The following MEOX2 variants were observed in gnomAD, a reference collection of about 807,000 sequenced individuals.
MEOX2 encodes the protein mesenchyme homeobox 2.
In MEOX2, 11 loss-of-function variants were observed where a neutral mutation model predicts 27.0. That is an observed-to-expected ratio of 0.41 (90% CI 0.26 to 0.68). The LOEUF (loss-of-function observed/expected upper bound fraction) is 0.68, where lower values mean the gene tolerates loss of function less well. Among genes scored for constraint, MEOX2 ranks in the 30% least tolerant of loss-of-function variants. The probability of loss-of-function intolerance (pLI) is 0.33; values close to 1 mark genes in which losing one functional copy is unlikely to be tolerated. For synonymous variants in MEOX2, 189 were observed against 155.4 expected, an observed-to-expected ratio of 1.22 and a Z score of -1.61; for missense variants, 436 against 385.4, an observed-to-expected ratio of 1.13 and a Z score of -1.10.
chr7:15,666,992 T>G (rs879377511), intron 1 of MEOX2, among the ~76,000 whole-genome samples: 6 of 149,750 alleles, frequency 4.0e-5, no homozygotes, highest in Non-Finnish European at 8.9e-5. Context: ...CTCATCAGCT[T>G]TTAGAAGTAG....
Position 15,685,914 on chromosome 7 carries a change from G to C in MEOX2, c.489C>G (p.Ser163Arg). The change falls in exon 1 of 3, where the codon AGC becomes AGG. Residue 163 changes from serine (S) to arginine (R), a missense_variant. By Grantham distance (110) the Ser-to-Arg change is moderately radical (BLOSUM62 -1). Transcript: ENST00000262041. ...ALSPAEAEKR[S>R]GGKRKSDSSD... is the part of the protein sequence containing the mutation. Reference sequence around the variant, plus strand: ...AGCTGTCGCTTTTCCTCTTGCCGCCGCTTCGCTTCTCCGCCTCCGCAGGTG... The same window carrying C: ...AGCTGTCGCTTTTCCTCTTGCCGCCCCTTCGCTTCTCCGCCTCCGCAGGTG... 1 of 1,607,872 alleles carries C rather than the reference G, an allele frequency of 6.2e-7. No individual in the cohort carries two copies. Among genetic ancestry groups the C allele is most frequent in the Non-Finnish European group, 8.5e-7 (1 of 1,177,518 alleles).
At chr7:15,657,000 G>C (rs1781831661) in intron 1 of MEOX2, among the ~76,000 whole-genome samples, 1 of 151,916 alleles carries the variant, frequency 6.6e-6, no homozygotes, top group Non-Finnish European at 1.5e-5. Flanking sequence ...TTCTGCACTT[G>C]GAAAATGTTG....
In MEOX2 at chr7:15,632,406, C is replaced by T. The variant is rs188626261; in HGVS notation, c.518-5488G>A. ...ATGTGTCATTTTGTTTTAATTTTATCTTTCCTTTCCTAGAATTTATTATTA... is the reference window on the plus strand; with the variant it reads ...ATGTGTCATTTTGTTTTAATTTTATTTTTCCTTTCCTAGAATTTATTATTA... On this transcript the variant is annotated intron_variant, in intron 1 of 2. Transcript: ENST00000262041. Among the ~76,000 whole-genome samples the T allele has an allele frequency of 3.3e-5, 5 of 151,640 alleles. No individual in the cohort carries two copies. In the East Asian group the frequency reaches 9.7e-4, roughly 30 times the overall value.
chr7:15,626,059 T>C (rs1314724034), intron 2 of MEOX2, among the ~76,000 whole-genome samples: 1 of 152,128 alleles, frequency 6.6e-6, no homozygotes, highest in South Asian at 2.1e-4. Flanking sequence ...TTCCCAGCCA[T>C]CTTGCACCTA....
In MEOX2 at chr7:15,614,055, G is replaced by T. The variant is rs35842457; in HGVS notation, c.691-1444C>A. Among the ~76,000 whole-genome samples, 159 of 43,652 alleles carry T rather than the reference G, an allele frequency of 3.6e-3. 5 individuals are homozygous for T. The highest frequency in any genetic ancestry group is 7.2e-3 in the Non-Finnish European group (81 of 11,278). The allele number at this position is 43,652 out of a possible 152,430, so 28.6% of individuals were successfully genotyped here. A position where few individuals can be genotyped will look rare whatever the true frequency, so the allele number is the denominator to read the frequency against. On this transcript the variant is annotated intron_variant, in intron 2 of 2. Transcript: ENST00000262041. ...ATTAATATGTTTAAATTTATCTATT[G>T]TTTCTTTTATGACTAGTGTTTTGTG...
chr7:15,648,160 C>T (rs1781679084), intron 1 of MEOX2, among the ~76,000 whole-genome samples: 1 of 151,924 alleles, frequency 6.6e-6, no homozygotes, highest in African/African-American at 2.4e-5. Context: ...ACGTGTTTTA[C>T]ATTTTTAAGT....
intron 1 of MEOX2, among the ~76,000 whole-genome samples, chr7:15,673,556 AT>A (rs561092541): frequency 0.08 from 9,373 of 117,002 alleles, 484 homozygotes; most frequent in African/African-American, 0.17. Context: ...CAAAATAAAG[AT>A]TTTTTTTTTT....
rs138296490 is a variant in MEOX2, at chr7:15,686,231, C to A, written c.172G>T (p.Gly58Cys). 6 of 1,612,170 alleles carry A rather than the reference C, an allele frequency of 3.7e-6. No individual in the cohort carries two copies. In the African/African-American group the frequency reaches 6.7e-5, roughly 18 times the overall value. ...CTGTGATGCTGGCTGGCAAACATGC[C>A]CTCTTCGTTGGGGTATCCCGCGATT... ...CIIAGYPNEE[G>C]MFASQHHRGH... is the part of the protein sequence containing the mutation. The change falls in exon 1 of 3, where the codon GGC (glycine) becomes TGC (cysteine). Residue 58 changes from glycine (G) to cysteine (C), a missense_variant. Coordinates refer to ENST00000262041, the MANE Select transcript of MEOX2 (RefSeq NM_005924.5).
At chr7:15,666,767 AAAAAAAAAAAAAAT>A (rs1403220076) in intron 1 of MEOX2, among the ~76,000 whole-genome samples, 67 of 80,924 alleles carry the variant, frequency 8.3e-4, no homozygotes, top group East Asian at 3.0e-3. Flanking sequence ...AAAAAAAAAA[AAAAAAAAAAAAAAT>A]ATATATATAT....
chr7:15,664,742 G>C (rs1018082921), intron 1 of MEOX2, among the ~76,000 whole-genome samples: 1 of 152,048 alleles, frequency 6.6e-6, no homozygotes, highest in Non-Finnish European at 1.5e-5. Context: ...GTTTGCAAGG[G>C]CTGTACAGAT....
intron 1 of MEOX2, among the ~76,000 whole-genome samples, chr7:15,660,734 G>A (rs1489493681): frequency 1.3e-5 from 2 of 152,164 alleles, no homozygotes; most frequent in Non-Finnish European, 1.5e-5. Context: ...TTAAAAATGA[G>A]AAAGGAGCCA....
chr7:15,644,915 G>C (rs1487264981), intron 1 of MEOX2, among the ~76,000 whole-genome samples: 1 of 152,000 alleles, frequency 6.6e-6, no homozygotes, highest in Admixed American at 6.6e-5. Flanking sequence ...AAAATTTAAC[G>C]GTCAGCTTCC....
chr7:15,624,313 C>T (rs1037963170), intron 2 of MEOX2, among the ~76,000 whole-genome samples: 7 of 152,152 alleles, frequency 4.6e-5, no homozygotes, highest in Admixed American at 6.5e-5. Flanking sequence ...ATATTGTGCA[C>T]AATAACAAAT....
intron 1 of MEOX2, among the ~76,000 whole-genome samples, chr7:15,643,264 T>G (rs2282934): frequency 0.25 from 38,194 of 151,986 alleles, 5,589 homozygotes; most frequent in Non-Finnish European, 0.33. Context: ...ATGTCCCTGG[T>G]GAAGGGTGGG....
At chr7:15,656,722 T>TACCAGGCA (rs1264624308) in intron 1 of MEOX2, among the ~76,000 whole-genome samples, 1 of 152,046 alleles carries the variant, frequency 6.6e-6, no homozygotes, top group Non-Finnish European at 1.5e-5. Context: ...GTAACAATAA[T>TACCAGGCA]AACATAAAAC....
At chr7:15,683,240 G>A (rs1782320481) in intron 1 of MEOX2, among the ~76,000 whole-genome samples, 1 of 151,960 alleles carries the variant, frequency 6.6e-6, no homozygotes, top group South Asian at 2.1e-4. Context: ...TACACATACA[G>A]TCTAAGTATT....
At chr7:15,644,656 CAGA>C in intron 1 of MEOX2, among the ~76,000 whole-genome samples, 1 of 152,214 alleles carries the variant, frequency 6.6e-6, no homozygotes, top group East Asian at 1.9e-4. Context: ...TGGCAGAACC[CAGA>C]AGGATGAGAA....
At chr7:15,639,722 T>C (rs565871758) in intron 1 of MEOX2, among the ~76,000 whole-genome samples, 4 of 152,090 alleles carry the variant, frequency 2.6e-5, no homozygotes, top group Non-Finnish European at 5.9e-5. Flanking sequence ...AAAAACGGTG[T>C]CTTTTCTCCA....
chr7:15,672,109 A>C (rs1378113919), intron 1 of MEOX2, among the ~76,000 whole-genome samples: 2 of 151,542 alleles, frequency 1.3e-5, no homozygotes, highest in African/African-American at 2.4e-5. Flanking sequence ...AACAAAAAAA[A>C]CAAAAAAACA....
Sources: allele counts gnomAD v4.1 joint callset (sites outside exome capture counted in the v4.1 genomes callset), GRCh38; gene constraint gnomAD v4.1.1; transcripts MANE v1.5; gene names NCBI Gene and HGNC (gene_info 2026-07-23, HGNC 2026-07-21).